The following FNDC1 variants were observed in gnomAD, a reference collection of about 807,000 sequenced individuals.
FNDC1 encodes the protein fibronectin type III domain containing 1.
In FNDC1, 96 loss-of-function variants were observed where a neutral mutation model predicts 168.0. The observed-to-expected ratio is 0.57, with a 90% CI of 0.48 to 0.68. The LOEUF (loss-of-function observed/expected upper bound fraction) is 0.68, where lower values mean the gene tolerates loss of function less well. Among genes scored for constraint, FNDC1 ranks in the 30% least tolerant of loss-of-function variants. The pLI is 0.00. For missense variants in FNDC1, 2,587 were observed against 2,482.1 expected, an observed-to-expected ratio of 1.04 and a Z score of -0.90; for synonymous variants, 1,099 against 1,025.9, an observed-to-expected ratio of 1.07 and a Z score of -1.36.
intron 14 of FNDC1, among the ~76,000 whole-genome samples, chr6:159,241,697 C>A (rs1348517534): frequency 6.6e-6 from 1 of 152,204 alleles, no homozygotes; most frequent in African/African-American, 2.4e-5. Context: ...GTTTCACTAA[C>A]AACTTCATTA....
rs1378377223 is a variant in FNDC1 at position 159,218,036 on chromosome 6, A to G, written c.667+2885A>G. Among the ~76,000 whole-genome samples the G allele has an allele frequency of 2.0e-5, 3 of 151,962 alleles. No homozygotes were observed. The East Asian group carries it at 5.8e-4, about 29-fold the overall frequency. The stretch of plus-strand genomic sequence containing the variant: ...AATTCTGCCCGGCATATCAGCAGGG[A>G]AATAGAGTCCCTGGTTTTGCATCTC... On this transcript the variant is annotated intron_variant, in intron 5 of 22. Coordinates refer to ENST00000297267, the MANE Select transcript of FNDC1 (RefSeq NM_032532.3).
rs1197160441 is a variant in FNDC1 at position 159,232,928 on chromosome 6, C to G, written c.2416C>G (p.Gln806Glu). ...CGGAAGGCAGGCGGAGGCCACGGCC[C>G]AGACGCTGCGGGCCCGGCCTGCCTC... Reference protein sequence around the residue: ...DGGRQAEATAQTLRARPASGH... With the variant: ...DGGRQAEATAETLRARPASGH... The change falls in exon 11 of 23, where the codon CAG becomes GAG. Residue 806 changes from glutamine to glutamate, a missense_variant. Transcript: ENST00000297267. This position sits in a 1 kb window ranked among gnomAD's most constrained non-coding sequence, Gnocchi z 4.9. 1 of 1,611,068 alleles carries G rather than the reference C, an allele frequency of 6.2e-7. No individual in the cohort carries two copies. The highest frequency in any genetic ancestry group is 1.1e-5 in the South Asian group (1 of 90,898).
At chr6:159,211,761 A>G (rs1259723576) in intron 4 of FNDC1, among the ~76,000 whole-genome samples, 2 of 152,198 alleles carry the variant, frequency 1.3e-5, no homozygotes, top group East Asian at 1.9e-4. Context: ...AACGCTTTAC[A>G]TGGTTATATT....
intron 12 of FNDC1, among the ~76,000 whole-genome samples, chr6:159,237,145 A>G (rs2114997961): frequency 6.6e-6 from 1 of 152,378 alleles, no homozygotes; most frequent in South Asian, 2.1e-4. Flanking sequence ...AAGAATGCAC[A>G]TTAAAGCAAA....
At position 159,234,470 on chromosome 6, in the gene FNDC1, T is replaced by A. The variant is rs1398982651; in HGVS notation, c.3958T>A (p.Tyr1320Asn). ...CTCCCGACAGCCTGCCAGACCCTCT[T>A]ACAGACAAGGTAGTTTATTTTTTCA... The part of the protein sequence containing the change: ...PLSRQPARPS[Y>N]RQGYNGRPNV... The change falls in exon 11 of 23, where the codon TAC becomes AAC. Residue 1320 changes from tyrosine to asparagine, a missense_variant. By Grantham distance (143) the Tyr-to-Asn change is moderately radical. Transcript: ENST00000297267. 1.2e-6 allele frequency: 2 copies of A among 1,613,186 alleles called. No individual in the cohort carries two copies. Among genetic ancestry groups the A allele is most frequent in the African/African-American group, 2.7e-5 (2 of 74,930 alleles).
intron 20 of FNDC1, 116 bp downstream of exon 20, chr6:159,265,120 C>T (rs1005746619): frequency 5.9e-6 from 5 of 841,640 alleles, no homozygotes; most frequent in South Asian, 5.1e-5. Flanking sequence ...AATTTTCTGT[C>T]AACTTCTATG....
chr6:159,228,033 G>T (rs948390146), intron 9 of FNDC1, among the ~76,000 whole-genome samples: 1 of 122,230 alleles, frequency 8.2e-6, no homozygotes, highest in African/African-American at 4.5e-5. Context: ...ATTGAATAAA[G>T]ACTTTTTTTT....
chr6:159,266,315 C>T (rs1777592376), intron 21 of FNDC1, 70 bp downstream of exon 21: 3 of 1,514,714 alleles, frequency 2.0e-6, no homozygotes, highest in African/African-American at 1.4e-5. Flanking sequence ...AAACTTGGCA[C>T]CACAGGTGCA....
intron 9 of FNDC1, 52 bp downstream of exon 9, chr6:159,226,632 G>T (rs2114982342): frequency 7.2e-7 from 1 of 1,394,838 alleles, no homozygotes; most frequent in East Asian, 2.5e-5. Context: ...GATGAACATG[G>T]CCTCTGCTTA....
At chr6:159,226,026 T>C (rs1163061972) in intron 8 of FNDC1, among the ~76,000 whole-genome samples, 2 of 152,212 alleles carry the variant, frequency 1.3e-5, no homozygotes, top group East Asian at 1.9e-4. Context: ...TGTGCGTGAA[T>C]GCCCCCAGGT....
chr6:159,224,111 C>T (rs2114979273), intron 7 of FNDC1, among the ~76,000 whole-genome samples: 1 of 152,332 alleles, frequency 6.6e-6, no homozygotes, highest in Non-Finnish European at 1.5e-5. Context: ...CGTAGTTCCT[C>T]ATTAGACTTT....
At chr6:159,245,713 C>G (rs560269932) in intron 14 of FNDC1, among the ~76,000 whole-genome samples, 56 of 152,084 alleles carry the variant, frequency 3.7e-4, no homozygotes, top group African/African-American at 1.2e-3. Context: ...GTTACTTATG[C>G]TCATAATATC....
At chr6:159,269,003 C>CATCA (rs1181984155) in intron 22 of FNDC1, among the ~76,000 whole-genome samples, 2 of 148,712 alleles carry the variant, frequency 1.3e-5, no homozygotes, top group East Asian at 4.0e-4. Flanking sequence ...TCCATCCATC[C>CATCA]ATCCATCCAT....
intron 17 of FNDC1, among the ~76,000 whole-genome samples, chr6:159,253,697 C>T (rs919397369): frequency 6.6e-6 from 1 of 152,216 alleles, no homozygotes; most frequent in Non-Finnish European, 1.5e-5. Context: ...TCATCAGTCA[C>T]TTTCAGGACT....
intron 18 of FNDC1, 116 bp downstream of exon 18, chr6:159,256,747 G>A (rs1777382091): frequency 3.9e-6 from 3 of 767,216 alleles, no homozygotes; most frequent in Non-Finnish European, 6.7e-6. Flanking sequence ...TGAATACCCT[G>A]TTTGGTTCTA....
At chr6:159,237,485 T>C (rs1009267463) in intron 12 of FNDC1, among the ~76,000 whole-genome samples, 16 of 152,356 alleles carry the variant, frequency 1.1e-4, no homozygotes, top group African/African-American at 3.8e-4. Flanking sequence ...GAGATAATTA[T>C]AGCTTTCTTC....
At chr6:159,220,225 A>G (rs947059519) in intron 5 of FNDC1, among the ~76,000 whole-genome samples, 5 of 152,174 alleles carry the variant, frequency 3.3e-5, no homozygotes, top group African/African-American at 1.2e-4. Context: ...CTGTGTGAGA[A>G]TTTTGAACAC....
intron 21 of FNDC1, 144 bp downstream of exon 21, chr6:159,266,389 T>C: frequency 1.2e-6 from 1 of 859,688 alleles, no homozygotes; most frequent in East Asian, 2.5e-5. Context: ...ACAAACCAAT[T>C]TTACAGATTC....
At chr6:159,248,784 A>G (rs1425693797) in intron 15 of FNDC1, among the ~76,000 whole-genome samples, 1 of 152,192 alleles carries the variant, frequency 6.6e-6, no homozygotes, top group African/African-American at 2.4e-5. Context: ...TTTTCTGGTC[A>G]TATGTGTTTC....
Sources: gnomAD v4.1 joint callset for allele counts (sites outside exome capture counted in the v4.1 genomes callset) on GRCh38, gnomAD v4.1.1 for gene constraint, Gnocchi (gnomAD v3.1) non-coding constraint, MANE v1.5 for transcripts, NCBI Gene and HGNC (gene_info 2026-07-23, HGNC 2026-07-21) for gene names.